HLCS: variants seen among roughly 807,000 people sequenced by gnomAD.
The protein encoded by HLCS is holocarboxylase synthetase.
In HLCS, 53 loss-of-function variants were observed where a neutral mutation model predicts 75.0. The observed-to-expected ratio is 0.71, with a 90% confidence interval of 0.57 to 0.89. The LOEUF (loss-of-function observed/expected upper bound fraction) is 0.89. Among genes scored for constraint, HLCS ranks in the 40% least tolerant of loss-of-function variants. The pLI, the probability that HLCS is intolerant of heterozygous loss-of-function variation, is 0.00. For synonymous variants in HLCS, 431 were observed against 428.6 expected (o/e 1.01, Z -0.07); for missense variants, 966 against 1,074.0 (o/e 0.90, Z 1.41).
chr21:36,774,261 T>C (rs913595505), intron 6 of HLCS, among the ~76,000 whole-genome samples: 3 of 152,082 alleles, frequency 2.0e-5, no homozygotes, highest in African/African-American at 7.2e-5. Flanking sequence ...CTGGGGATAT[T>C]ATTCCTGGCA....
At chr21:36,775,729 C>T (rs2060338494) in intron 6 of HLCS, among the ~76,000 whole-genome samples, 1 of 152,316 alleles carries the variant, frequency 6.6e-6, no homozygotes, top group Admixed American at 6.5e-5. Flanking sequence ...TGGAGCGGCT[C>T]TTGGTGGAGA....
At chr21:36,771,252 A>ATAAATAAATAAAT (rs1400002341) in intron 6 of HLCS, among the ~76,000 whole-genome samples, 2 of 150,690 alleles carry the variant, frequency 1.3e-5, no homozygotes, top group African/African-American at 2.5e-5. Context: ...ATAAATATAA[A>ATAAATAAATAAAT]ATAAAATAAA....
At chr21:36,913,764 A>T (rs922027095) in intron 5 of HLCS, among the ~76,000 whole-genome samples, 1 of 152,200 alleles carries the variant, frequency 6.6e-6, no homozygotes, top group Non-Finnish European at 1.5e-5. Context: ...TCCATCTTAA[A>T]AAAAAAGAAA....
At chr21:36,830,424 A>T (rs1317058993) in intron 6 of HLCS, among the ~76,000 whole-genome samples, 1 of 152,164 alleles carries the variant, frequency 6.6e-6, no homozygotes. Flanking sequence ...AGACTCAGAG[A>T]TCCCGTGTTT....
chr21:36,887,816 T>A (rs945593331), intron 6 of HLCS, among the ~76,000 whole-genome samples: 1 of 152,256 alleles, frequency 6.6e-6, no homozygotes, highest in Non-Finnish European at 1.5e-5. Flanking sequence ...CCCATTAATT[T>A]GGGACACTTA....
intron 4 of HLCS, among the ~76,000 whole-genome samples, chr21:36,932,611 G>A (rs779194540): frequency 6.6e-6 from 1 of 152,202 alleles, no homozygotes; most frequent in Non-Finnish European, 1.5e-5. Flanking sequence ...AATGAGCATT[G>A]AAGCCTGGAG....
At chr21:36,832,758 G>A (rs1029424388) in intron 6 of HLCS, among the ~76,000 whole-genome samples, 2 of 152,178 alleles carry the variant, frequency 1.3e-5, no homozygotes, top group Non-Finnish European at 2.9e-5. Context: ...CTCTCATTTA[G>A]CAATATCATG....
chr21:36,870,871 G>A (rs2063745285), intron 6 of HLCS, among the ~76,000 whole-genome samples: 1 of 152,188 alleles, frequency 6.6e-6, no homozygotes, highest in African/African-American at 2.4e-5. Context: ...CATCTAAGAA[G>A]GAGGAAAATT....
chr21:36,896,176 C>A (rs2065003579), intron 6 of HLCS, among the ~76,000 whole-genome samples: 1 of 152,140 alleles, frequency 6.6e-6, no homozygotes, highest in African/African-American at 2.4e-5. Flanking sequence ...ATGGTGAAAC[C>A]CTGTCTCTAC....
chr21:36,829,423 G>C (rs1255436498), intron 6 of HLCS, among the ~76,000 whole-genome samples: 1 of 151,990 alleles, frequency 6.6e-6, no homozygotes, highest in Non-Finnish European at 1.5e-5. Flanking sequence ...TTCCAATTTT[G>C]TGTGTCATGA....
At chr21:36,838,328 A>ACC (rs56043769) in intron 6 of HLCS, among the ~76,000 whole-genome samples, 16 of 147,566 alleles carry the variant, frequency 1.1e-4, no homozygotes, top group South Asian at 2.1e-4. Flanking sequence ...ACACACACAC[A>ACC]CCCCCACAAC....
At chr21:36,957,361 C>T (rs2068020431) in intron 2 of HLCS, among the ~76,000 whole-genome samples, 1 of 152,170 alleles carries the variant, frequency 6.6e-6, no homozygotes, top group Admixed American at 6.5e-5. Context: ...CCTCAAGGCC[C>T]TCACCAGAAG....
chr21:36,863,370 G>A (rs1254915323), intron 6 of HLCS, among the ~76,000 whole-genome samples: 1 of 152,064 alleles, frequency 6.6e-6, no homozygotes, highest in Non-Finnish European at 1.5e-5. Context: ...TGGAAAATGT[G>A]GGGGTGGGGA....
intron 2 of HLCS, among the ~76,000 whole-genome samples, chr21:36,954,746 A>AAAAC (rs201518621): frequency 6.6e-5 from 10 of 151,712 alleles, no homozygotes; most frequent in East Asian, 5.8e-4. Context: ...TACTTATTAA[A>AAAAC]AAAACAAAAC....
At chr21:36,911,797 G>A (rs2845810) in intron 5 of HLCS, among the ~76,000 whole-genome samples, 51,317 of 147,402 alleles carry the variant, frequency 0.35, 10,421 homozygotes, top group South Asian at 0.49. Context: ...GGCCGGGCGC[G>A]GTGGCTCTCA....
At chr21:36,915,836 T>C (rs1267460294) in intron 5 of HLCS, among the ~76,000 whole-genome samples, 1 of 151,976 alleles carries the variant, frequency 6.6e-6, no homozygotes, top group East Asian at 1.9e-4. Flanking sequence ...AGCTGGACTG[T>C]GCGGGCAGCC....
At chr21:36,923,168 T>C (rs1201281413) in intron 5 of HLCS, among the ~76,000 whole-genome samples, 1 of 152,184 alleles carries the variant, frequency 6.6e-6, no homozygotes, top group African/African-American at 2.4e-5. Flanking sequence ...TTTTTTGAAC[T>C]GGGAGACAAA....
chr21:36,918,929 G>A (rs1286817985), intron 5 of HLCS, among the ~76,000 whole-genome samples: 1 of 152,190 alleles, frequency 6.6e-6, no homozygotes, highest in African/African-American at 2.4e-5. Flanking sequence ...AGATACTACA[G>A]TCCATCTTTA....
chr21:36,773,609 T>C (rs2060272709), intron 6 of HLCS, among the ~76,000 whole-genome samples: 1 of 152,202 alleles, frequency 6.6e-6, no homozygotes, highest in Admixed American at 6.5e-5. Context: ...CTCTTTGCTA[T>C]CTTCTTTACC....
Sources: gnomAD v4.1 joint callset for allele counts (sites outside exome capture counted in the v4.1 genomes callset) on GRCh38, gnomAD v4.1.1 for gene constraint, MANE v1.5 for transcripts, NCBI Gene and HGNC (gene_info 2026-07-23, HGNC 2026-07-21) for gene names.